PACSIN1: variants seen among roughly 807,000 people sequenced by gnomAD.
The protein encoded by PACSIN1 is protein kinase C and casein kinase substrate in neurons 1, also known as protein kinase C and casein kinase substrate in neurons protein 1.
In PACSIN1, 15 loss-of-function variants were observed where a neutral mutation model predicts 59.5. The ratio of observed to expected loss-of-function variants is 0.25; its 90% CI spans 0.17 to 0.39. The LOEUF (loss-of-function observed/expected upper bound fraction) is 0.39, where lower values mean the gene tolerates loss of function less well. Ranked by LOEUF, PACSIN1 falls within the 10% of genes least tolerant of loss-of-function variation. The probability of loss-of-function intolerance (pLI) is 1.00; values close to 1 mark genes in which losing one functional copy is unlikely to be tolerated. For synonymous variants in PACSIN1, 210 were observed against 220.6 expected, an observed-to-expected ratio of 0.95 and a Z score of 0.42; for missense variants, 420 against 580.2, an observed-to-expected ratio of 0.72 and a Z score of 2.84.
chr6:34,481,330 G>T (rs1766715563), intron 1 of PACSIN1, among the ~76,000 whole-genome samples: 1 of 152,282 alleles, frequency 6.6e-6, no homozygotes, highest in East Asian at 1.9e-4. Context: ...GATTACATGT[G>T]CAAGCCACCG....
chr6:34,475,845 G>C (rs1399153636), intron 1 of PACSIN1, among the ~76,000 whole-genome samples: 4 of 152,190 alleles, frequency 2.6e-5, no homozygotes, highest in Non-Finnish European at 5.9e-5. Flanking sequence ...CCATTTCCTA[G>C]AGGAGGAAGC....
intron 2 of PACSIN1, among the ~76,000 whole-genome samples, chr6:34,526,595 T>C (rs1421489020): frequency 6.6e-6 from 1 of 152,222 alleles, no homozygotes; most frequent in Non-Finnish European, 1.5e-5. Flanking sequence ...AGAGAGCCTG[T>C]GGCATTTCAC....
At position 34,529,568 on chromosome 6, in the gene PACSIN1, G is replaced by T; in HGVS notation, c.612+16G>T. On this transcript the variant is annotated intron_variant, in intron 5 of 9. Transcript: ENST00000244458. The surrounding 1 kb of genome is among the most constrained non-coding windows in gnomAD (Gnocchi z 6.3). ...TGTGCAGAAGGTGCTGGCGGGCAGG[G>T]ATGGCAGTAGGGGGTCTGGGGGCCC... is the stretch of plus-strand genomic sequence containing the variant. 1 of 1,613,956 alleles carries T rather than the reference G, an allele frequency of 6.2e-7. No individual in the cohort carries two copies. The highest frequency in any genetic ancestry group is 8.5e-7 in the Non-Finnish European group (1 of 1,179,898).
At chr6:34,491,368 T>A (rs986296698) in intron 1 of PACSIN1, among the ~76,000 whole-genome samples, 1 of 152,068 alleles carries the variant, frequency 6.6e-6, no homozygotes, top group African/African-American at 2.4e-5. Flanking sequence ...TGCAGTGCGG[T>A]CCCTTCCCTG....
rs1177827041 is a variant in PACSIN1, at chr6:34,515,663, C to T, written c.-63-10580C>T. ...TCGTTCTCCCTGGAGACTTAGTGAA[C>T]TGTCCCCAATCCCAGATCTCCCAAA... On this transcript the variant is annotated intron_variant, in intron 1 of 9. Coordinates refer to ENST00000244458, the MANE Select transcript of PACSIN1 (RefSeq NM_020804.5). The surrounding 1 kb of genome is among the most constrained non-coding windows in gnomAD (Gnocchi z 4.4). Among the ~76,000 whole-genome samples, 1 of 152,188 alleles carries T rather than the reference C, an allele frequency of 6.6e-6. No individual in the cohort carries two copies. The highest frequency in any genetic ancestry group is 2.4e-5 in the African/African-American group (1 of 41,440).
At chr6:34,524,421 G>A (rs1441387179) in intron 1 of PACSIN1, among the ~76,000 whole-genome samples, 1 of 152,100 alleles carries the variant, frequency 6.6e-6, no homozygotes, top group Admixed American at 6.5e-5. Context: ...CTCTCCCCCT[G>A]CGTCCCCTGG....
intron 1 of PACSIN1, among the ~76,000 whole-genome samples, chr6:34,490,055 C>A (rs990194586): frequency 6.7e-5 from 10 of 150,262 alleles, no homozygotes. Flanking sequence ...CATCATGAAG[C>A]CTTGGATGTT....
In PACSIN1 at chr6:34,502,551, C is replaced by T. The variant is rs75775851; in HGVS notation, c.-63-23692C>T. Among the ~76,000 whole-genome samples, 7 of 149,338 alleles carry T rather than the reference C, an allele frequency of 4.7e-5. No homozygotes were observed. The East Asian group carries it at 7.9e-4, about 17-fold the overall frequency. On this transcript the variant is annotated intron_variant, in intron 1 of 9. Transcript: ENST00000244458. ...CGTGATCTCGGCTCACTACAAGTTC[C>T]GCCTCCTGGGCTCACGCCATTCTCC...
At position 34,530,409 on chromosome 6, in the gene PACSIN1, G is replaced by C; in HGVS notation, c.909+46G>C. 1 of 1,605,118 alleles carries C rather than the reference G, an allele frequency of 6.2e-7. No homozygotes were observed. Among genetic ancestry groups the C allele is most frequent in the Non-Finnish European group, 8.5e-7 (1 of 1,173,696 alleles). ...GAAGGGGAGCCTGAAGAGGCTGAAA[G>C]GTGCCTCAGGGCATAGTCCCCCAGC... On this transcript the variant is annotated intron_variant, in intron 7 of 9. Coordinates refer to ENST00000244458, the MANE Select transcript of PACSIN1 (RefSeq NM_020804.5). This position sits in a 1 kb window ranked among gnomAD's most constrained non-coding sequence, Gnocchi z 4.4.
rs574394962 is a variant in PACSIN1 at position 34,533,822 on chromosome 6, C to T, written c.*1292C>T. On this transcript the variant is annotated 3_prime_UTR_variant, in exon 10 of 10. Coordinates refer to ENST00000244458, the MANE Select transcript of PACSIN1 (RefSeq NM_020804.5). ...CCAAACCTGGGTCAGAGTGAAAGGACCTTTGGGGGTGGGTGGGAGCAAAGG... is the reference window on the plus strand; with the variant it reads ...CCAAACCTGGGTCAGAGTGAAAGGATCTTTGGGGGTGGGTGGGAGCAAAGG... 6.6e-6 allele frequency: 1 copy of T among 152,402 alleles called. No individual in the cohort carries two copies. The highest frequency in any genetic ancestry group is 1.9e-4 in the East Asian group (1 of 5,196). 9.4% of individuals were successfully genotyped at this position (152,402 alleles called of 1,614,324 possible).
In PACSIN1 at chr6:34,497,677, C is replaced by T. The variant is rs184867873; in HGVS notation, c.-63-28566C>T. ...TGCCATCCGACTCTGTGGTCTCTCT[C>T]GATCCCTCCCACGCTCTGCTGGGGC... On this transcript the variant is annotated intron_variant, in intron 1 of 9. Transcript: ENST00000244458. Among the ~76,000 whole-genome samples the T allele has an allele frequency of 3.3e-5, 5 of 152,296 alleles. No individual in the cohort carries two copies. In the East Asian group the frequency reaches 7.7e-4, roughly 24 times the overall value.
chr6:34,487,632 C>A (rs1257516945), intron 1 of PACSIN1, among the ~76,000 whole-genome samples: 1 of 152,180 alleles, frequency 6.6e-6, no homozygotes, highest in Non-Finnish European at 1.5e-5. Context: ...CCACATGGAA[C>A]CCTGAAGCTG....
chr6:34,527,616 C>A, intron 3 of PACSIN1, 128 bp downstream of exon 3: 1 of 792,888 alleles, frequency 1.3e-6, no homozygotes, highest in Non-Finnish European at 1.8e-6. Context: ...CATTTTCAGG[C>A]GCTGTTCCCT....
At chr6:34,482,684 G>GTT (rs56763761) in intron 1 of PACSIN1, among the ~76,000 whole-genome samples, 2 of 139,034 alleles carry the variant, frequency 1.4e-5, no homozygotes, top group Non-Finnish European at 1.6e-5. Flanking sequence ...TTTTGTTTTT[G>GTT]TTTTTTTTTT....
intron 1 of PACSIN1, among the ~76,000 whole-genome samples, chr6:34,472,199 G>C (rs559132729): frequency 6.7e-6 from 1 of 148,694 alleles, no homozygotes; most frequent in Non-Finnish European, 1.5e-5. Context: ...TTGAGCCCAG[G>C]AGGCGGAGGT....
At chr6:34,481,729 TC>T (rs1162144142) in intron 1 of PACSIN1, among the ~76,000 whole-genome samples, 1 of 152,066 alleles carries the variant, frequency 6.6e-6, no homozygotes, top group African/African-American at 2.4e-5. Context: ...TGTTCTACGT[TC>T]CTCAGAGCTG....
Position 34,529,690 on chromosome 6 carries a change from C to T in PACSIN1, c.637C>T (p.Leu213=). 1 of 1,614,128 alleles carries T rather than the reference C, an allele frequency of 6.2e-7. No individual in the cohort carries two copies. Among genetic ancestry groups the T allele is most frequent in the Non-Finnish European group, 8.5e-7 (1 of 1,180,020 alleles). ...GACACAGGAGAAGTATGAGAAAGTG[C>T]TGGAAGATGTGGGCAAGACCACACC... ...QKTQEKYEKV[L]EDVGKTTPQY... Residue 213 remains leucine, a synonymous_variant, in exon 6 of 10, where the codon CTG becomes TTG. Transcript: ENST00000244458. The surrounding 1 kb of genome is among the most constrained non-coding windows in gnomAD (Gnocchi z 6.3).
chr6:34,517,622 G>A (rs1318468963), intron 1 of PACSIN1, among the ~76,000 whole-genome samples: 1 of 151,938 alleles, frequency 6.6e-6, no homozygotes, highest in East Asian at 1.9e-4. Context: ...CTGCCTGAGT[G>A]CTCTGCCTGG....
chr6:34,473,613 T>G (rs1581955110), intron 1 of PACSIN1, among the ~76,000 whole-genome samples: 1 of 152,028 alleles, frequency 6.6e-6, no homozygotes, highest in Non-Finnish European at 1.5e-5. Flanking sequence ...GGGCTGGGGG[T>G]TGGGGGTCCA....
Sources: allele counts gnomAD v4.1 joint callset (sites outside exome capture counted in the v4.1 genomes callset), GRCh38; gene constraint gnomAD v4.1.1; non-coding constraint Gnocchi (gnomAD v3.1); transcripts MANE v1.5; gene names NCBI Gene and HGNC (gene_info 2026-07-23, HGNC 2026-07-21).